The following EYS variants were observed in gnomAD, a reference collection of about 807,000 sequenced individuals.
The protein encoded by EYS is protein eyes shut homolog.
EYS carries 250 observed loss-of-function variants against 282.1 expected under a neutral mutation model. That is an observed-to-expected ratio of 0.89 (90% CI 0.80 to 0.98). The LOEUF is 0.98. Among genes scored for constraint, EYS ranks in the 50% least tolerant of loss-of-function variants. EYS has a pLI of 0.00. For synonymous variants in EYS, 1,355 were observed against 1,282.9 expected (o/e 1.06, Z -1.20); for missense variants, 4,016 against 3,709.0 (o/e 1.08, Z -2.15).
chr6:63,832,244 C>T (rs1562048764), intron 36 of EYS, among the ~76,000 whole-genome samples: 2 of 151,974 alleles, frequency 1.3e-5, no homozygotes, highest in East Asian at 1.9e-4. Context: ...GATAGAGACA[C>T]AAAAAACCCT....
chr6:65,090,327 A>C (rs1397546266), intron 12 of EYS, among the ~76,000 whole-genome samples: 1 of 152,148 alleles, frequency 6.6e-6, no homozygotes, highest in African/African-American at 2.4e-5. Flanking sequence ...CACCTTGTGA[A>C]GAAGGTGCCT....
intron 22 of EYS, among the ~76,000 whole-genome samples, chr6:64,754,709 A>T (rs546880950): frequency 2.6e-5 from 4 of 152,150 alleles, no homozygotes; most frequent in Non-Finnish European, 5.9e-5. Flanking sequence ...GATTCACTAC[A>T]TAAACATTTG....
chr6:65,328,309 A>G (rs1479260320), intron 11 of EYS, among the ~76,000 whole-genome samples: 1 of 151,446 alleles, frequency 6.6e-6, no homozygotes, highest in Admixed American at 6.6e-5. Flanking sequence ...AATTTCTCCA[A>G]TTTACAAAAG....
At chr6:65,285,308 A>C (rs2150278719) in intron 12 of EYS, among the ~76,000 whole-genome samples, 1 of 152,124 alleles carries the variant, frequency 6.6e-6, no homozygotes, top group East Asian at 1.9e-4. Flanking sequence ...CATGGAATTT[A>C]AATTAAAGAC....
intron 2 of EYS, among the ~76,000 whole-genome samples, chr6:65,552,179 T>A (rs997850712): frequency 6.6e-6 from 1 of 152,238 alleles, no homozygotes; most frequent in African/African-American, 2.4e-5. Context: ...TGGATTCAGA[T>A]TCCAGACTTA....
At chr6:64,793,053 G>A (rs1018915549) in intron 22 of EYS, among the ~76,000 whole-genome samples, 1 of 151,958 alleles carries the variant, frequency 6.6e-6, no homozygotes, top group Non-Finnish European at 1.5e-5. Flanking sequence ...TAATTAATGA[G>A]TCAGAATCTC....
intron 7 of EYS, among the ~76,000 whole-genome samples, chr6:65,392,649 A>G (rs865806936): frequency 1.2e-4 from 19 of 152,236 alleles, no homozygotes; most frequent in Admixed American, 4.6e-4. Flanking sequence ...TTAGAATGGC[A>G]ATCATTAAAA....
At position 64,957,793 on chromosome 6, in the gene EYS, T is replaced by A. The variant is rs182362846; in HGVS notation, c.2260-11879A>T. Among the ~76,000 whole-genome samples, 1,105 of 152,216 alleles carry A rather than the reference T, an allele frequency of 7.3e-3. 4 individuals are homozygous for A. Among genetic ancestry groups the A allele is most frequent in the Non-Finnish European group, 0.011 (768 of 67,988 alleles). ...TCCTTCATCAAAAAAAATTAGTGCCTGTAAAAGTGGAAAAATCGTCTAGGC... is the reference window on the plus strand; with the variant it reads ...TCCTTCATCAAAAAAAATTAGTGCCAGTAAAAGTGGAAAAATCGTCTAGGC... On this transcript the variant is annotated intron_variant, in intron 14 of 42. Coordinates refer to ENST00000503581, the MANE Select transcript of EYS (RefSeq NM_001142800.2).
chr6:63,768,395 C>T (rs1298577578), intron 40 of EYS, among the ~76,000 whole-genome samples: 1 of 151,598 alleles, frequency 6.6e-6, no homozygotes, highest in Non-Finnish European at 1.5e-5. Flanking sequence ...ACAGACAACC[C>T]CATTAAAAAA....
chr6:64,190,023 ATGCCTAT>A (rs1190524052), intron 31 of EYS, among the ~76,000 whole-genome samples: 1 of 152,162 alleles, frequency 6.6e-6, no homozygotes, highest in Non-Finnish European at 1.5e-5. Flanking sequence ...ATATTTATTG[ATGCCTAT>A]TGCTAGCTAC....
chr6:64,088,011 C>A (rs1246303884), intron 31 of EYS, among the ~76,000 whole-genome samples: 1 of 152,050 alleles, frequency 6.6e-6, no homozygotes, highest in East Asian at 1.9e-4. Context: ...CTCTTTGAAC[C>A]TGTTTTCAGT....
chr6:64,906,483 A>G (rs1355573603), intron 16 of EYS, among the ~76,000 whole-genome samples: 10 of 152,220 alleles, frequency 6.6e-5, no homozygotes, highest in Non-Finnish European at 1.3e-4. Context: ...TTGTCAAATG[A>G]CACATTTATT....
chr6:65,512,436 C>T (rs1766924310), intron 2 of EYS, among the ~76,000 whole-genome samples: 1 of 148,266 alleles, frequency 6.7e-6, no homozygotes, highest in African/African-American at 2.5e-5. Context: ...TTGCAGTGAG[C>T]CAAGATTGAG....
At chr6:63,763,649 C>T (rs926240595) in intron 40 of EYS, among the ~76,000 whole-genome samples, 1 of 151,578 alleles carries the variant, frequency 6.6e-6, no homozygotes, top group Non-Finnish European at 1.5e-5. Flanking sequence ...TTCCTGCCAC[C>T]ATGTTAGGAA....
intron 10 of EYS, among the ~76,000 whole-genome samples, chr6:65,338,430 A>C (rs918846108): frequency 1.3e-5 from 2 of 151,190 alleles, no homozygotes; most frequent in Non-Finnish European, 3.0e-5. Context: ...GAGTCCATTA[A>C]TCTTTAAAAA....
intron 29 of EYS, among the ~76,000 whole-genome samples, chr6:64,386,387 G>A (rs367944842): frequency 3.9e-5 from 6 of 152,162 alleles, no homozygotes; most frequent in Admixed American, 6.6e-5. Context: ...GCAAAGTCAC[G>A]TCTTATATGG....
At chr6:64,500,412 T>TA (rs1324756841) in intron 26 of EYS, among the ~76,000 whole-genome samples, 1 of 152,128 alleles carries the variant, frequency 6.6e-6, no homozygotes, top group Non-Finnish European at 1.5e-5. Flanking sequence ...TTGCTCCAGG[T>TA]ACACAACATC....
chr6:65,624,041 C>T (rs1766613507), intron 2 of EYS, among the ~76,000 whole-genome samples: 1 of 152,118 alleles, frequency 6.6e-6, no homozygotes, highest in South Asian at 2.1e-4. Flanking sequence ...GGCAGATATT[C>T]TCAAACAGCA....
chr6:65,153,371 G>A (rs1292406266), intron 12 of EYS, among the ~76,000 whole-genome samples: 10 of 96,124 alleles, frequency 1.0e-4, no homozygotes, highest in African/African-American at 6.2e-4. Context: ...AAATGTGTGT[G>A]TGTGTGTGTG....
Sources: gnomAD v4.1 joint callset for allele counts (sites outside exome capture counted in the v4.1 genomes callset) on GRCh38, gnomAD v4.1.1 for gene constraint, MANE v1.5 for transcripts, NCBI Gene and HGNC (gene_info 2026-07-23, HGNC 2026-07-21) for gene names.